PHACTR1: variants seen among roughly 807,000 people sequenced by gnomAD.
PHACTR1 encodes phosphatase and actin regulator 1.
A neutral mutation model predicts 69.2 loss-of-function variants in PHACTR1; 16 were observed. That is an observed-to-expected ratio of 0.23 (90% CI 0.16 to 0.35). PHACTR1 has a LOEUF of 0.35. PHACTR1 is among the 10% of genes least tolerant of loss of function. PHACTR1 has a pLI of 1.00. For missense variants in PHACTR1, 510 were observed against 734.7 expected (o/e 0.69, Z 3.54); for synonymous variants, 312 against 284.5 (o/e 1.10, Z -0.97).
rs527575276 is a variant in PHACTR1 at position 12,733,718 on chromosome 6, C to T, written c.103+14871C>T. Among the ~76,000 whole-genome samples, 6 of 152,314 alleles carry T rather than the reference C, an allele frequency of 3.9e-5. No individual in the cohort carries two copies. In the South Asian group the frequency reaches 1.0e-3, roughly 26 times the overall value. On this transcript the variant is annotated intron_variant, in intron 3 of 14. Transcript: ENST00000332995. ...TGAAGTTATTTTGCAAGTAACCAAG[C>T]TCAAGAGTTTGCCACGCAAAGATAT...
Position 13,272,847 on chromosome 6 carries a change from AT to A in PHACTR1, c.1392-7del, listed in dbSNP as rs1482335693. On this transcript the variant is annotated splice_polypyrimidine_tract_variant and intron_variant, in intron 10 of 14. Transcript: ENST00000332995. ...GATATGGTCCAAAAACTTTTCCTGG[AT>A]TTTTTCCGTAGGCGGCTGAGCCAGA... 2 of 1,613,910 alleles carry A rather than the reference AT, an allele frequency of 1.2e-6. No individual in the cohort carries two copies. The highest frequency in any genetic ancestry group is 1.7e-6 in the Non-Finnish European group (2 of 1,179,908).
intron 4 of PHACTR1, among the ~76,000 whole-genome samples, chr6:13,028,574 C>T (rs189577987): frequency 2.0e-5 from 3 of 152,254 alleles, no homozygotes; most frequent in Admixed American, 1.3e-4. Context: ...TTCGGGTCAG[C>T]GTTTTTCAGG....
At chr6:12,760,069 GTGTT>G (rs1411942853) in intron 4 of PHACTR1, among the ~76,000 whole-genome samples, 1 of 152,232 alleles carries the variant, frequency 6.6e-6, no homozygotes, top group Non-Finnish European at 1.5e-5. Flanking sequence ...CACATAGTGA[GTGTT>G]TGTTAGCACG....
Position 13,283,643 on chromosome 6 carries a change from G to A in PHACTR1, c.1650+81G>A. Reference sequence around the variant, plus strand: ...TGGGCTCACCGCTGGGGAGCGTGTAGGGAGACCTGCAGCCAGGCCTCAGCC... The same window carrying A: ...TGGGCTCACCGCTGGGGAGCGTGTAAGGAGACCTGCAGCCAGGCCTCAGCC... On this transcript the variant is annotated intron_variant, in intron 13 of 14. Coordinates refer to ENST00000332995, the MANE Select transcript of PHACTR1 (RefSeq NM_030948.6). This position sits in a 1 kb window ranked among gnomAD's most constrained non-coding sequence, Gnocchi z 4.7. The A allele has an allele frequency of 6.2e-7, 1 of 1,605,314 alleles. No homozygotes were observed. Among genetic ancestry groups the A allele is most frequent in the Non-Finnish European group, 8.5e-7 (1 of 1,175,054 alleles).
chr6:13,059,458 T>TCTCACACACA (rs1491194342), intron 5 of PHACTR1, among the ~76,000 whole-genome samples: 10 of 148,248 alleles, frequency 6.7e-5, no homozygotes, highest in Admixed American at 2.7e-4. Flanking sequence ...AATGTTCTTA[T>TCTCACACACA]CACACACACA....
rs192880560 is a variant in PHACTR1, at chr6:13,120,151, G to A, written c.416-40053G>A. On this transcript the variant is annotated intron_variant, in intron 5 of 14. Transcript: ENST00000332995. ...GTTTACAAATATTTTATTCATTCTTGCCACATATGAAGGACTTCCCTCCTG... is the reference window on the plus strand; with the variant it reads ...GTTTACAAATATTTTATTCATTCTTACCACATATGAAGGACTTCCCTCCTG... 5.3e-4 allele frequency among the ~76,000 whole-genome samples: 80 copies of A among 152,156 alleles called. 2 individuals carry two copies. Among genetic ancestry groups the A allele is most frequent in the Admixed American group, 5.0e-3 (77 of 15,278 alleles).
intron 4 of PHACTR1, among the ~76,000 whole-genome samples, chr6:12,755,845 CA>C: frequency 6.6e-6 from 1 of 152,122 alleles, no homozygotes; most frequent in South Asian, 2.1e-4. Context: ...TTTAGATTAC[CA>C]GGGAAGGTAA....
intron 4 of PHACTR1, among the ~76,000 whole-genome samples, chr6:12,902,992 G>C (rs1334571242): frequency 6.6e-6 from 1 of 152,100 alleles, no homozygotes; most frequent in African/African-American, 2.4e-5. Flanking sequence ...AAACATCCCT[G>C]GTGGCTTTTT....
intron 7 of PHACTR1, among the ~76,000 whole-genome samples, chr6:13,190,361 A>T (rs923832175): frequency 8.6e-5 from 13 of 151,836 alleles, no homozygotes; most frequent in African/African-American, 3.1e-4. Context: ...AAGGACATTA[A>T]TCTTATCATA....
At position 12,777,568 on chromosome 6, in the gene PHACTR1, A is replaced by G. The variant is rs138133638; in HGVS notation, c.250+27778A>G. Among the ~76,000 whole-genome samples, 284 of 148,328 alleles carry G rather than the reference A, an allele frequency of 1.9e-3. 2 individuals are homozygous for G. The highest frequency in any genetic ancestry group is 6.8e-3 in the African/African-American group (275 of 40,512). On this transcript the variant is annotated intron_variant, in intron 4 of 14. Coordinates refer to ENST00000332995, the MANE Select transcript of PHACTR1 (RefSeq NM_030948.6). Reference sequence around the variant, plus strand: ...ATGTTGCTGCAAAGGCCATGACCTCATTCTTTTTTATGGCTGCATAATATT... The same window carrying G: ...ATGTTGCTGCAAAGGCCATGACCTCGTTCTTTTTTATGGCTGCATAATATT...
intron 4 of PHACTR1, among the ~76,000 whole-genome samples, chr6:12,913,016 T>C (rs1164003090): frequency 1.3e-5 from 2 of 152,290 alleles, no homozygotes; most frequent in South Asian, 4.1e-4. Flanking sequence ...TAGGAGGGAT[T>C]TGTCATGCCT....
Position 13,284,816 on chromosome 6 carries a change from C to A in PHACTR1, c.1650+1254C>A, listed in dbSNP as rs745613145. ...ACATGTATGCAGGCACATTGCTGCACTTGGCTGGGACGGAAGCAGCAAGAG... is the reference window on the plus strand; with the variant it reads ...ACATGTATGCAGGCACATTGCTGCAATTGGCTGGGACGGAAGCAGCAAGAG... On this transcript the variant is annotated intron_variant, in intron 13 of 14. Transcript: ENST00000332995. 4.1e-4 allele frequency among the ~76,000 whole-genome samples: 62 copies of A among 152,128 alleles called. 1 individual carries two copies. Among genetic ancestry groups the A allele is most frequent in the Non-Finnish European group, 1.6e-4 (11 of 68,022 alleles).
At chr6:13,077,420 G>A (rs1321134487) in intron 5 of PHACTR1, among the ~76,000 whole-genome samples, 2 of 152,126 alleles carry the variant, frequency 1.3e-5, no homozygotes, top group Non-Finnish European at 2.9e-5. Flanking sequence ...TTGCAGAATG[G>A]CCAGGATTTT....
At chr6:12,768,834 ACAC>A in intron 4 of PHACTR1, among the ~76,000 whole-genome samples, 2 of 130,478 alleles carry the variant, frequency 1.5e-5, no homozygotes, top group African/African-American at 5.4e-5. Context: ...ACACACACAC[ACAC>A]ACACACACAC....
intron 5 of PHACTR1, among the ~76,000 whole-genome samples, chr6:13,134,206 A>G (rs1479534311): frequency 1.4e-5 from 2 of 145,428 alleles, no homozygotes; most frequent in Non-Finnish European, 3.0e-5. Context: ...GGAGGGAGGT[A>G]GGGGGCAGCC....
intron 5 of PHACTR1, among the ~76,000 whole-genome samples, chr6:13,056,084 G>C (rs567292841): frequency 6.6e-6 from 1 of 152,274 alleles, no homozygotes; most frequent in South Asian, 2.1e-4. Context: ...TAGATGGATG[G>C]GTGCATGATG....
At chr6:13,089,930 T>A (rs979549393) in intron 5 of PHACTR1, among the ~76,000 whole-genome samples, 1 of 152,150 alleles carries the variant, frequency 6.6e-6, no homozygotes, top group Admixed American at 6.5e-5. Context: ...TTTCCTGAAA[T>A]GAATAGGGAA....
chr6:12,877,445 G>A (rs1212445929), intron 4 of PHACTR1, among the ~76,000 whole-genome samples: 1 of 152,104 alleles, frequency 6.6e-6, no homozygotes, highest in Non-Finnish European at 1.5e-5. Flanking sequence ...CACTATGTCG[G>A]TGAACTGGAT....
intron 4 of PHACTR1, among the ~76,000 whole-genome samples, chr6:12,861,828 C>T (rs776249763): frequency 1.3e-5 from 2 of 152,140 alleles, no homozygotes; most frequent in Non-Finnish European, 2.9e-5. Flanking sequence ...TCATTTCGAT[C>T]AGTTCATTTT....
Sources: gnomAD v4.1 joint callset for allele counts (sites outside exome capture counted in the v4.1 genomes callset) on GRCh38, gnomAD v4.1.1 for gene constraint, Gnocchi (gnomAD v3.1) non-coding constraint, MANE v1.5 for transcripts, NCBI Gene and HGNC (gene_info 2026-07-23, HGNC 2026-07-21) for gene names.